The following P2RY8 variants were observed in gnomAD, a reference collection of about 807,000 sequenced individuals.
The protein encoded by P2RY8 is S-geranylgeranyl-glutathione receptor P2RY8.
A neutral mutation model predicts 10.0 loss-of-function variants in P2RY8; 6 were observed. The ratio of observed to expected loss-of-function variants is 0.60; its 90% CI spans 0.33 to 1.19. The LOEUF (loss-of-function observed/expected upper bound fraction) is 1.19. Among genes scored for constraint, P2RY8 ranks in the 50% most tolerant of loss-of-function variants. The pLI is 0.04. For missense variants in P2RY8, 456 were observed against 542.0 expected, an observed-to-expected ratio of 0.84 and a Z score of 1.58; for synonymous variants, 276 against 252.5, an observed-to-expected ratio of 1.09 and a Z score of -0.88.
chrX:1,513,307 T>G (rs1243059138), intron 1 of P2RY8, among the ~76,000 whole-genome samples: 1 of 152,100 alleles, frequency 6.6e-6, no homozygotes, highest in Non-Finnish European at 1.5e-5. Flanking sequence ...TCTTTGCTAT[T>G]GTAAATAGTG....
intron 1 of P2RY8, among the ~76,000 whole-genome samples, chrX:1,512,514 T>C (rs2149404196): frequency 8.1e-6 from 1 of 124,196 alleles, no homozygotes; most frequent in South Asian, 2.6e-4. Flanking sequence ...GCCATTGCAC[T>C]CCAGCCTGGG....
At chrX:1,508,055 CT>C (rs2092251682) in intron 1 of P2RY8, among the ~76,000 whole-genome samples, 1 of 152,140 alleles carries the variant, frequency 6.6e-6, no homozygotes, top group Admixed American at 6.5e-5. Flanking sequence ...CACGATGCCC[CT>C]GTCCCCCCGA....
At chrX:1,532,340 ATG>A (rs2092481518) in intron 1 of P2RY8, among the ~76,000 whole-genome samples, 1 of 150,322 alleles carries the variant, frequency 6.7e-6, no homozygotes, top group South Asian at 2.1e-4. Context: ...ATACACATAT[ATG>A]TATATGATGT....
intron 1 of P2RY8, among the ~76,000 whole-genome samples, chrX:1,495,126 C>T (rs6644603): frequency 0.3 from 45,971 of 151,750 alleles, 7,086 homozygotes; most frequent in South Asian, 0.43. Context: ...ACTCACTGTT[C>T]GGAACTGAAT....
chrX:1,513,505 G>C (rs2092315736), intron 1 of P2RY8, among the ~76,000 whole-genome samples: 1 of 150,754 alleles, frequency 6.6e-6, no homozygotes, highest in Non-Finnish European at 1.5e-5. Context: ...GTCTGCCTCT[G>C]TCTCCACGTG....
At chrX:1,534,411 G>C (rs1326880057) in intron 1 of P2RY8, among the ~76,000 whole-genome samples, 4 of 151,798 alleles carry the variant, frequency 2.6e-5, no homozygotes, top group Admixed American at 6.6e-5. Flanking sequence ...CTGGTCCTTG[G>C]GGGTGATCCT....
chrX:1,469,834 G>C (rs1190774808), intron 1 of P2RY8, among the ~76,000 whole-genome samples: 3 of 152,052 alleles, frequency 2.0e-5, no homozygotes, highest in African/African-American at 4.8e-5. Flanking sequence ...GGGAGGCGGA[G>C]CTTGCAGTGA....
intron 1 of P2RY8, among the ~76,000 whole-genome samples, chrX:1,506,759 C>G (rs1257834395): frequency 2.0e-5 from 3 of 151,760 alleles, no homozygotes; most frequent in Non-Finnish European, 4.4e-5. Context: ...CTCACTACAA[C>G]CTCTGCCTCC....
chrX:1,485,172 C>G (rs750269343), intron 1 of P2RY8, among the ~76,000 whole-genome samples: 4 of 151,580 alleles, frequency 2.6e-5, no homozygotes, highest in Non-Finnish European at 5.9e-5. Flanking sequence ...GTTTCTCACT[C>G]GGTCGTCCAG....
At chrX:1,512,036 A>C (rs1433811145) in intron 1 of P2RY8, among the ~76,000 whole-genome samples, 1 of 152,056 alleles carries the variant, frequency 6.6e-6, no homozygotes, top group Non-Finnish European at 1.5e-5. Flanking sequence ...TCATCACACC[A>C]GATATGTAAG....
chrX:1,528,663 T>A (rs35012022), intron 1 of P2RY8, among the ~76,000 whole-genome samples: 3,600 of 151,794 alleles, frequency 0.024, 161 homozygotes, highest in African/African-American at 0.083. Context: ...TGCGTGTGGG[T>A]TTGAGCCTCT....
chrX:1,494,776 G>A (rs1245727075), intron 1 of P2RY8, among the ~76,000 whole-genome samples: 13 of 152,012 alleles, frequency 8.6e-5, no homozygotes, highest in Admixed American at 6.6e-5. Context: ...CACCGTCTCC[G>A]CTCACTGTCA....
intron 1 of P2RY8, among the ~76,000 whole-genome samples, chrX:1,505,387 C>G (rs1478005254): frequency 6.6e-6 from 1 of 152,212 alleles, no homozygotes; most frequent in East Asian, 1.9e-4. Flanking sequence ...TGTCCATGGA[C>G]TGAGTTTCCT....
rs183897046 is a variant in P2RY8 at position 1,516,984 on chromosome X, A to T, written c.-25+19937T>A. Among the ~76,000 whole-genome samples, 321 of 151,962 alleles carry T rather than the reference A, an allele frequency of 2.1e-3. 1 individual carries two copies. Among genetic ancestry groups the T allele is most frequent in the African/African-American group, 7.4e-3 (306 of 41,408 alleles). ...TTAGCAGCCTGAAGTGGACTAAGAC[A>T]CCTCATAAGAAGAGGAGATGAGGAC... On this transcript the variant is annotated intron_variant, in intron 1 of 1. Transcript: ENST00000381297.
At chrX:1,527,215 A>C (rs111548984) in intron 1 of P2RY8, among the ~76,000 whole-genome samples, 1 of 151,852 alleles carries the variant, frequency 6.6e-6, no homozygotes, top group Non-Finnish European at 1.5e-5. Context: ...TTTCTTATCC[A>C]TCCACCTACC....
chrX:1,510,444 C>T (rs1183659767), intron 1 of P2RY8, among the ~76,000 whole-genome samples: 3 of 152,296 alleles, frequency 2.0e-5, no homozygotes, highest in African/African-American at 4.8e-5. Flanking sequence ...CACGGATCCC[C>T]TGCTCCACCA....
Position 1,474,343 on chromosome X carries a change from GTGGA to G in P2RY8, c.-24-7765_-24-7762del, listed in dbSNP as rs779596494. Among the ~76,000 whole-genome samples the G allele has an allele frequency of 3.0e-3, 366 of 121,010 alleles. 12 individuals are homozygous for G. The highest frequency in any genetic ancestry group is 0.01 in the African/African-American group (356 of 35,508). 79.4% of individuals were successfully genotyped at this position (121,010 alleles called of 152,430 possible). A position where few individuals can be genotyped will look rare whatever the true frequency, so the allele number is the denominator to read the frequency against. On this transcript the variant is annotated intron_variant, in intron 1 of 1. Transcript: ENST00000381297. ...GATAGATGAATAGGTGTATGGGTGT[GTGGA>G]TGGATGGATGGATGGATGGATGGAT...
chrX:1,469,540 CT>C (rs1174752566), intron 1 of P2RY8, among the ~76,000 whole-genome samples: 8 of 152,198 alleles, frequency 5.3e-5, no homozygotes, highest in Non-Finnish European at 8.8e-5. Flanking sequence ...AGCAATGTTT[CT>C]CTCCTCTTGA....
At position 1,465,919 on chromosome X, in the gene P2RY8, T is replaced by C; in HGVS notation, c.640A>G (p.Thr214Ala). Reference protein sequence around the residue: ...IPFVITVACYTATILKLLRTE... With the variant: ...IPFVITVACYAATILKLLRTE... ...CGCAACAGCTTGAGGATGGTGGCCG[T>C]GTAACAAGCCACGGTGATCACGAAC... Residue 214 changes from threonine (T) to alanine (A), a missense_variant, in exon 2 of 2, where the codon ACG becomes GCG. Physicochemically the swap from Thr to Ala is moderately conservative, Grantham distance 58. Transcript: ENST00000381297. 3.1e-6 allele frequency: 5 copies of C among 1,612,322 alleles called. No homozygotes were observed. Among genetic ancestry groups the C allele is most frequent in the Non-Finnish European group, 4.2e-6 (5 of 1,179,734 alleles).
Sources: allele counts gnomAD v4.1 joint callset (sites outside exome capture counted in the v4.1 genomes callset), GRCh38; gene constraint gnomAD v4.1.1; transcripts MANE v1.5; gene names NCBI Gene and HGNC (gene_info 2026-07-23, HGNC 2026-07-21).